The following REDIC1 variants were observed in gnomAD, a reference collection of about 807,000 sequenced individuals.
REDIC1 encodes regulator of DNA class I crossover intermediates 1, also known as HEI10 Interacting Protein 1.
the REDIC1 span, among the ~76,000 whole-genome samples, chr12:39,630,535 A>AT: frequency 6.6e-6 from 1 of 152,224 alleles, no homozygotes; most frequent in African/African-American, 2.4e-5. Context: ...AGTAACTGAA[A>AT]TTTAGTCTTT....
At chr12:39,686,627 T>C in the REDIC1 span, among the ~76,000 whole-genome samples, 1 of 150,236 alleles carries the variant, frequency 6.7e-6, no homozygotes, top group African/African-American at 2.4e-5. Context: ...TGAGACCTAT[T>C]CCCCATTGCC....
At chr12:39,826,059 A>G in the REDIC1 span, among the ~76,000 whole-genome samples, 1 of 151,994 alleles carries the variant, frequency 6.6e-6, no homozygotes, top group Non-Finnish European at 1.5e-5. Context: ...GATGATACTG[A>G]TTATTTGGAT....
At chr12:39,870,977 G>A in the REDIC1 span, among the ~76,000 whole-genome samples, 4 of 152,234 alleles carry the variant, frequency 2.6e-5, no homozygotes, top group African/African-American at 9.6e-5. Flanking sequence ...TGCTGCCCTG[G>A]AAACTATCTT....
At chr12:39,726,194 G>T in the REDIC1 span, among the ~76,000 whole-genome samples, 1 of 151,428 alleles carries the variant, frequency 6.6e-6, no homozygotes, top group African/African-American at 2.4e-5. Context: ...TCAAGTTCCG[G>T]ACACAGGTGC....
chr12:39,710,747 A>G, the REDIC1 span, among the ~76,000 whole-genome samples: 1 of 151,796 alleles, frequency 6.6e-6, no homozygotes, highest in Admixed American at 6.6e-5. Context: ...ATGATGTCAC[A>G]TCTTATTTTG....
chr12:39,753,864 G>T, the REDIC1 span, among the ~76,000 whole-genome samples: 3 of 152,170 alleles, frequency 2.0e-5, no homozygotes, highest in African/African-American at 7.2e-5. Flanking sequence ...GTGAGGCAAT[G>T]AGTGGTTCAG....
chr12:39,676,844 C>G, the REDIC1 span, among the ~76,000 whole-genome samples: 1 of 152,050 alleles, frequency 6.6e-6, no homozygotes, highest in Non-Finnish European at 1.5e-5. Flanking sequence ...GATTTTCTAT[C>G]CATTGAAACT....
the REDIC1 span, chr12:39,758,115 C>G: frequency 6.6e-6 from 1 of 151,450 alleles, no homozygotes; most frequent in Non-Finnish European, 1.5e-5. Context: ...AAAATCAATA[C>G]TAATATTCCC....
chr12:39,766,856 G>A, the REDIC1 span, among the ~76,000 whole-genome samples: 1 of 152,030 alleles, frequency 6.6e-6, no homozygotes, highest in African/African-American at 2.4e-5. Context: ...CACATCTTTA[G>A]GCTTCGCTTC....
At chr12:39,677,171 CA>C in the REDIC1 span, among the ~76,000 whole-genome samples, 57 of 152,118 alleles carry the variant, frequency 3.7e-4, no homozygotes, top group Admixed American at 1.4e-3. Context: ...AAAATCCATC[CA>C]CCAAGTATCC....
chr12:39,804,329 T>G, the REDIC1 span, among the ~76,000 whole-genome samples: 1 of 152,178 alleles, frequency 6.6e-6, no homozygotes, highest in African/African-American at 2.4e-5. Flanking sequence ...AGAGAAATAG[T>G]TCTAATCTTA....
chr12:39,654,240 T>C, the REDIC1 span, among the ~76,000 whole-genome samples: 1 of 152,154 alleles, frequency 6.6e-6, no homozygotes, highest in Admixed American at 6.5e-5. Flanking sequence ...AACCTGTTAA[T>C]ATATAACAAT....
the REDIC1 span, among the ~76,000 whole-genome samples, chr12:39,664,373 G>C: frequency 6.6e-6 from 1 of 151,948 alleles, no homozygotes; most frequent in African/African-American, 2.4e-5. Context: ...ATGGTTTCCA[G>C]CTTCATCCAT....
At chr12:39,698,191 TTAATCCC>T in the REDIC1 span, among the ~76,000 whole-genome samples, 1 of 152,140 alleles carries the variant, frequency 6.6e-6, no homozygotes, top group Non-Finnish European at 1.5e-5. Context: ...CTAATGAAAC[TTAATCCC>T]TAATGCAACA....
the REDIC1 span, among the ~76,000 whole-genome samples, chr12:39,665,498 A>G: frequency 1.3e-5 from 2 of 150,476 alleles, no homozygotes; most frequent in South Asian, 2.1e-4. Context: ...GTTTGAAGTC[A>G]GGTAGCGTGA....
At chr12:39,887,159 C>CA in the REDIC1 span, among the ~76,000 whole-genome samples, 6 of 151,152 alleles carry the variant, frequency 4.0e-5, no homozygotes, top group Middle Eastern at 3.4e-3. Flanking sequence ...AATTTTTTTG[C>CA]AAAAAAAAGT....
At chr12:39,842,062 T>C in the REDIC1 span, among the ~76,000 whole-genome samples, 1 of 152,094 alleles carries the variant, frequency 6.6e-6, no homozygotes, top group Non-Finnish European at 1.5e-5. Flanking sequence ...TTTACAGAGG[T>C]TCAACTACCT....
the REDIC1 span, among the ~76,000 whole-genome samples, chr12:39,877,011 T>TA: frequency 6.6e-6 from 1 of 152,142 alleles, no homozygotes; most frequent in Non-Finnish European, 1.5e-5. Flanking sequence ...AATATATATA[T>TA]TTTTTGGTAC....
At chr12:39,801,339 T>TA in the REDIC1 span, among the ~76,000 whole-genome samples, 3 of 126,864 alleles carry the variant, frequency 2.4e-5, no homozygotes, top group Non-Finnish European at 3.4e-5. Context: ...ATGAGGAAAT[T>TA]AAAAAAAAAA....
Sources: gnomAD v4.1 joint callset for allele counts (sites outside exome capture counted in the v4.1 genomes callset) on GRCh38, gnomAD v4.1.1 for gene constraint, MANE v1.5 for transcripts, NCBI Gene and HGNC (gene_info 2026-07-23, HGNC 2026-07-21) for gene names.